Variants in ARHGAP11B observed in about 807,000 individuals in gnomAD.
ARHGAP11B encodes inactive Rho GTPase-activating protein 11B.
ARHGAP11B carries 14 observed loss-of-function variants against 27.6 expected under a neutral mutation model. The ratio of observed to expected loss-of-function variants is 0.51; its 90% confidence interval spans 0.34 to 0.79. The LOEUF is 0.79. Ranked by LOEUF, ARHGAP11B falls within the 30% of genes least tolerant of loss-of-function variation. The pLI, the probability that ARHGAP11B is intolerant of heterozygous loss-of-function variation, is 0.02. For synonymous variants in ARHGAP11B, 82 were observed against 114.1 expected, an observed-to-expected ratio of 0.72 and a Z score of 1.80; for missense variants, 245 against 320.1, an observed-to-expected ratio of 0.77 and a Z score of 1.79.
intron 1 of ARHGAP11B, among the ~76,000 whole-genome samples, chr15:30,628,079 C>CT (rs371979874): frequency 0.22 from 30,938 of 140,846 alleles, 3,626 homozygotes; most frequent in Non-Finnish European, 0.28. Context: ...TTTTCTTTTC[C>CT]TTTTTTTTTT....
intron 2 of ARHGAP11B, 56 bp from the exon 3 acceptor site, chr15:30,633,434 C>G: frequency 6.8e-7 from 1 of 1,478,488 alleles, no homozygotes; most frequent in Non-Finnish European, 9.3e-7. Flanking sequence ...TGTATGTTAG[C>G]AGAGGAATAG....
chr15:30,626,216 G>A (rs1176625122), exon 1 of ARHGAP11B: 1 of 152,878 alleles, frequency 6.5e-6, no homozygotes, highest in African/African-American at 2.4e-5. Flanking sequence ...TGTGCAGGCC[G>A]GGAGGTAGAG....
rs768554297 is a variant in ARHGAP11B, at chr15:30,633,566, A to T, written c.277A>T (p.Ile93Phe). ...GCTTTTTCGGAAATCAGGATCTGTG[A>T]TTCGCCTAAAAGCACTAAAGGTGAG... Residue 93 changes from isoleucine to phenylalanine, a missense_variant, in exon 3 of 11, where the codon ATT becomes TTT. Physicochemically the swap from Ile to Phe is conservative, Grantham distance 21. Around this residue, in one of 3 missense-constraint regions of ARHGAP11B, gnomAD observed 107 missense variants for 121.9 expected, o/e 0.88. Coordinates refer to ENST00000428041, the Ensembl canonical transcript of ARHGAP11B. 31 of 1,613,136 alleles carry T rather than the reference A, an allele frequency of 1.9e-5. No individual in the cohort carries two copies. In the South Asian group the frequency reaches 3.0e-4, roughly 15 times the overall value.
chr15:30,631,778 C>T (rs867576670), intron 2 of ARHGAP11B, among the ~76,000 whole-genome samples: 2 of 150,702 alleles, frequency 1.3e-5, no homozygotes, highest in Non-Finnish European at 1.5e-5. Context: ...TTATAAATAA[C>T]CTTTTGTTCT....
At chr15:30,647,416 T>C (rs1325660623) in intron 9 of ARHGAP11B, among the ~76,000 whole-genome samples, 1 of 151,900 alleles carries the variant, frequency 6.6e-6, no homozygotes, top group African/African-American at 2.4e-5. Context: ...AGTTGGTGTG[T>C]GTCTATCAGG....
Position 30,630,502 on chromosome 15 carries a change from T to C in ARHGAP11B, c.130-201T>C, listed in dbSNP as rs928043526. On this transcript the variant is annotated intron_variant, in intron 1 of 10. Transcript: ENST00000428041. ...GACATTATCTTGGCCATCTTTGTAC[T>C]CCCAGCACTCAGCATACTATCTAAT... 5.3e-5 allele frequency among the ~76,000 whole-genome samples: 8 copies of C among 151,998 alleles called. No homozygotes were observed. The East Asian group carries it at 1.4e-3, about 26-fold the overall frequency.
At chr15:30,629,603 C>CCAA (rs1336303214) in intron 1 of ARHGAP11B, among the ~76,000 whole-genome samples, 2 of 151,988 alleles carry the variant, frequency 1.3e-5, no homozygotes, top group African/African-American at 2.4e-5. Flanking sequence ...TCTCTTAAGC[C>CCAA]CTTACCATAC....
exon 8 of ARHGAP11B, chr15:30,644,679 T>C: frequency 6.3e-7 from 1 of 1,587,668 alleles, no homozygotes; most frequent in East Asian, 2.2e-5. Context: ...GATCCAAAAA[T>C]ATTGCATCTA....
chr15:30,638,682 A>G (rs2060296684), intron 6 of ARHGAP11B, 64 bp from the exon 7 acceptor site: 1 of 1,005,146 alleles, frequency 9.9e-7, no homozygotes. Flanking sequence ...GCAAATATTA[A>G]TATGAATTAT....
chr15:30,644,380 A>G, intron 7 of ARHGAP11B, among the ~76,000 whole-genome samples: 1 of 152,218 alleles, frequency 6.6e-6, no homozygotes, highest in East Asian at 1.9e-4. Context: ...AATTATCTAA[A>G]GAGTAAGCCA....
At chr15:30,644,522 A>T in intron 7 of ARHGAP11B, 1 of 594,000 alleles carries the variant, frequency 1.7e-6, no homozygotes, top group Non-Finnish European at 3.0e-6. Context: ...TTTTGGTAAC[A>T]AATTTTACAC....
chr15:30,634,279 A>G, exon 4 of ARHGAP11B: 1 of 1,613,110 alleles, frequency 6.2e-7, no homozygotes, highest in Non-Finnish European at 8.5e-7. Context: ...CTCCCAGCTG[A>G]TTTGCATGAA....
chr15:30,639,605 G>A (rs1428730614), intron 7 of ARHGAP11B, among the ~76,000 whole-genome samples: 2 of 151,894 alleles, frequency 1.3e-5, no homozygotes, highest in Non-Finnish European at 2.9e-5. Context: ...GTTTTGTTTT[G>A]ATATTTTTTC....
chr15:30,649,192 C>A (rs181678142), exon 11 of ARHGAP11B: 1,933 of 152,092 alleles, frequency 0.013, 44 homozygotes, highest in Middle Eastern at 0.027. Flanking sequence ...GATTGTAAAA[C>A]TGTTTTAATT....
At chr15:30,639,234 G>A (rs948312654) in intron 7 of ARHGAP11B, among the ~76,000 whole-genome samples, 8 of 152,054 alleles carry the variant, frequency 5.3e-5, no homozygotes, top group African/African-American at 1.9e-4. Flanking sequence ...CTGTTTTCTA[G>A]AGTGAAGAAA....
chr15:30,628,248 T>C (rs2060222405), intron 1 of ARHGAP11B, among the ~76,000 whole-genome samples: 1 of 151,790 alleles, frequency 6.6e-6, no homozygotes, highest in Admixed American at 6.6e-5. Context: ...ACCTGGCTAA[T>C]TTTTTGTATT....
At chr15:30,631,548 G>A (rs1431271487) in intron 2 of ARHGAP11B, among the ~76,000 whole-genome samples, 1 of 151,970 alleles carries the variant, frequency 6.6e-6, no homozygotes, top group East Asian at 2.0e-4. Context: ...CACCCCTGTA[G>A]TCCCAGCTAC....
intron 7 of ARHGAP11B, among the ~76,000 whole-genome samples, chr15:30,641,904 A>G (rs1160600875): frequency 6.6e-6 from 1 of 151,640 alleles, no homozygotes; most frequent in East Asian, 2.0e-4. Flanking sequence ...TTTAGTAGAG[A>G]TGGGATTTCA....
intron 1 of ARHGAP11B, among the ~76,000 whole-genome samples, chr15:30,628,784 G>C (rs986930727): frequency 5.9e-5 from 9 of 152,036 alleles, no homozygotes; most frequent in African/African-American, 2.2e-4. Context: ...TAGCCGACTG[G>C]TGTTTGTTAG....
Sources: gnomAD v4.1 joint callset for allele counts (sites outside exome capture counted in the v4.1 genomes callset) on GRCh38, gnomAD v4.1.1 for gene constraint, gnomAD v4.1.1 regional missense constraint, MANE v1.5 for transcripts, NCBI Gene and HGNC (gene_info 2026-07-23, HGNC 2026-07-21) for gene names.